The following MALRD1 variants were observed in gnomAD, a reference collection of about 807,000 sequenced individuals.
The protein encoded by MALRD1 is MAM and LDL receptor class A domain containing 1, also known as MAM and LDL-receptor class A domain-containing protein 1.
In MALRD1, 247 loss-of-function variants were observed where a neutral mutation model predicts 242.1. The observed-to-expected ratio is 1.02, with a 90% CI of 0.92 to 1.13. The LOEUF (loss-of-function observed/expected upper bound fraction) is 1.13, where lower values mean the gene tolerates loss of function less well. Among genes scored for constraint, MALRD1 ranks in the 50% most tolerant of loss-of-function variants. The probability of loss-of-function intolerance (pLI) is 0.00; values close to 1 mark genes in which losing one functional copy is unlikely to be tolerated. For missense variants in MALRD1, 2,989 were observed against 2,533.1 expected, an observed-to-expected ratio of 1.18 and a Z score of -3.86; for synonymous variants, 995 against 866.6, an observed-to-expected ratio of 1.15 and a Z score of -2.60.
chr10:19,599,384 A>G (rs1838249416), intron 34 of MALRD1, among the ~76,000 whole-genome samples: 1 of 152,128 alleles, frequency 6.6e-6, no homozygotes, highest in Non-Finnish European at 1.5e-5. Flanking sequence ...GGAAACATTA[A>G]TTTTTCATGG....
chr10:19,559,249 A>C (rs192900699), intron 32 of MALRD1, among the ~76,000 whole-genome samples: 1 of 152,004 alleles, frequency 6.6e-6, no homozygotes, highest in Admixed American at 6.6e-5. Context: ...TGGGATCAGT[A>C]GTGATGGTTC....
intron 14 of MALRD1, among the ~76,000 whole-genome samples, chr10:19,201,172 G>A (rs188525942): frequency 6.6e-6 from 1 of 151,996 alleles, no homozygotes; most frequent in East Asian, 1.9e-4. Flanking sequence ...CATGTGTGTT[G>A]ACATATACAC....
chr10:19,479,179 A>G (rs1836878192), intron 29 of MALRD1, among the ~76,000 whole-genome samples: 1 of 152,178 alleles, frequency 6.6e-6, no homozygotes. Context: ...TCCTTTAAGG[A>G]TTCTTCATTT....
At chr10:19,325,743 C>T (rs186183677) in intron 22 of MALRD1, among the ~76,000 whole-genome samples, 17 of 152,158 alleles carry the variant, frequency 1.1e-4, no homozygotes, top group Non-Finnish European at 2.1e-4. Flanking sequence ...TTGATAAGGA[C>T]TCTCCCCCTT....
intron 21 of MALRD1, among the ~76,000 whole-genome samples, chr10:19,288,876 T>G (rs1328759097): frequency 2.6e-5 from 4 of 152,112 alleles, no homozygotes; most frequent in Non-Finnish European, 4.4e-5. Flanking sequence ...CTGCTCTGTG[T>G]GGGACCTCCT....
At chr10:19,602,720 A>G (rs943269767) in intron 34 of MALRD1, among the ~76,000 whole-genome samples, 2 of 152,112 alleles carry the variant, frequency 1.3e-5, no homozygotes, top group African/African-American at 4.8e-5. Flanking sequence ...CAGTAATGGG[A>G]TGGCTGGGTC....
intron 11 of MALRD1, among the ~76,000 whole-genome samples, chr10:19,149,710 A>T (rs1281032415): frequency 1.3e-5 from 2 of 152,154 alleles, no homozygotes; most frequent in African/African-American, 2.4e-5. Context: ...TAAATGTAAA[A>T]TTCAACCATT....
intron 28 of MALRD1, among the ~76,000 whole-genome samples, chr10:19,396,952 AT>A (rs1846611686): frequency 6.6e-6 from 1 of 152,156 alleles, no homozygotes; most frequent in Admixed American, 6.6e-5. Context: ...GCTGCATTTT[AT>A]TTTTTAAATT....
At chr10:19,638,573 A>G (rs1391391002) in intron 36 of MALRD1, among the ~76,000 whole-genome samples, 1 of 152,198 alleles carries the variant, frequency 6.6e-6, no homozygotes, top group Non-Finnish European at 1.5e-5. Context: ...CAGGAAGTGG[A>G]ATGTCTAGAA....
At chr10:19,453,491 G>C (rs1352574463) in intron 29 of MALRD1, among the ~76,000 whole-genome samples, 4 of 152,104 alleles carry the variant, frequency 2.6e-5, no homozygotes, top group Non-Finnish European at 4.4e-5. Flanking sequence ...ATGTTATATG[G>C]CTAAACTTAT....
At chr10:19,178,249 A>G (rs1207616019) in intron 14 of MALRD1, among the ~76,000 whole-genome samples, 3 of 152,206 alleles carry the variant, frequency 2.0e-5, no homozygotes, top group East Asian at 1.9e-4. Flanking sequence ...ATGATTCCTG[A>G]AAGATCAATG....
intron 14 of MALRD1, among the ~76,000 whole-genome samples, chr10:19,180,935 A>G (rs1238185818): frequency 6.6e-6 from 1 of 152,258 alleles, no homozygotes; most frequent in Non-Finnish European, 1.5e-5. Context: ...AGACATAAAA[A>G]TAATCAACTG....
At chr10:19,641,652 C>T (rs1186713993) in intron 36 of MALRD1, among the ~76,000 whole-genome samples, 1 of 152,016 alleles carries the variant, frequency 6.6e-6, no homozygotes, top group Non-Finnish European at 1.5e-5. Flanking sequence ...GAGTCAAGAA[C>T]CTTTGTTAGG....
At position 19,641,278 on chromosome 10, in the gene MALRD1, A is replaced by T. The variant is rs548326188; in HGVS notation, c.6137+25355A>T. 1.2e-4 allele frequency among the ~76,000 whole-genome samples: 18 copies of T among 152,304 alleles called. No homozygotes were observed. The South Asian group carries it at 3.7e-3, about 32-fold the overall frequency. On this transcript the variant is annotated intron_variant, in intron 36 of 39. Transcript: ENST00000454679. ...CGAATAATGCAACACTGAAGATATT[A>T]TAGATAAACTGTCCATGTCAGAGTG...
chr10:19,277,079 C>T (rs535056986), intron 19 of MALRD1, among the ~76,000 whole-genome samples: 1 of 151,966 alleles, frequency 6.6e-6, no homozygotes, highest in Admixed American at 6.6e-5. Context: ...GCCACCATGC[C>T]CAGCTAATTT....
intron 26 of MALRD1, among the ~76,000 whole-genome samples, chr10:19,361,669 G>C (rs1405424987): frequency 6.6e-6 from 1 of 152,096 alleles, no homozygotes; most frequent in Admixed American, 6.6e-5. Context: ...TGTGACTTCT[G>C]TATTGGTAGT....
At chr10:19,170,695 A>G (rs867910807) in intron 13 of MALRD1, among the ~76,000 whole-genome samples, 2 of 152,080 alleles carry the variant, frequency 1.3e-5, no homozygotes, top group Non-Finnish European at 2.9e-5. Flanking sequence ...TTATCTCTTT[A>G]TTTCATTAGA....
intron 24 of MALRD1, among the ~76,000 whole-genome samples, chr10:19,344,321 A>G (rs1844012297): frequency 6.6e-6 from 1 of 152,024 alleles, no homozygotes; most frequent in African/African-American, 2.4e-5. Context: ...TCATTTAGTT[A>G]ATTTTAGTCT....
intron 31 of MALRD1, among the ~76,000 whole-genome samples, chr10:19,522,915 T>A (rs1833944891): frequency 6.6e-6 from 1 of 152,204 alleles, no homozygotes; most frequent in Non-Finnish European, 1.5e-5. Context: ...TCATTCTACA[T>A]CCAAATGAAA....
Sources: gnomAD v4.1 joint callset for allele counts (sites outside exome capture counted in the v4.1 genomes callset) on GRCh38, gnomAD v4.1.1 for gene constraint, MANE v1.5 for transcripts, NCBI Gene and HGNC (gene_info 2026-07-23, HGNC 2026-07-21) for gene names.